SLC71A2: variants seen among roughly 807,000 people sequenced by gnomAD.
SLC71A2 encodes the protein hippocampus abundant transcript-like 1.
chr9:94,452,511 C>T, the SLC71A2 span, among the ~76,000 whole-genome samples: 8 of 151,850 alleles, frequency 5.3e-5, no homozygotes, highest in East Asian at 1.9e-4. Context: ...GCAGGAGAAT[C>T]GCTTGAACCT....
chr9:94,433,373 A>T, the SLC71A2 span: 6 of 122,088 alleles, frequency 4.9e-5, no homozygotes, highest in Middle Eastern at 3.6e-3. Context: ...CACATTGCGT[A>T]AAAAAAAGGT....
chr9:94,399,807 C>CTTT, the SLC71A2 span, among the ~76,000 whole-genome samples: 1 of 140,794 alleles, frequency 7.1e-6, no homozygotes, highest in Non-Finnish European at 1.5e-5. Context: ...GGGAAAAAGC[C>CTTT]TTTTTTTTTT....
At chr9:94,410,118 T>C in the SLC71A2 span, among the ~76,000 whole-genome samples, 1 of 151,778 alleles carries the variant, frequency 6.6e-6, no homozygotes, top group African/African-American at 2.4e-5. Flanking sequence ...TAAACGAGAC[T>C]GGAGTCTCAC....
the SLC71A2 span, among the ~76,000 whole-genome samples, chr9:94,408,290 C>T: frequency 1.3e-5 from 2 of 152,158 alleles, no homozygotes; most frequent in African/African-American, 2.4e-5. Flanking sequence ...AACTTACAGT[C>T]GGTTTATTGA....
At chr9:94,409,172 TCC>T in the SLC71A2 span, among the ~76,000 whole-genome samples, 4 of 107,914 alleles carry the variant, frequency 3.7e-5, no homozygotes, top group African/African-American at 1.5e-4. Flanking sequence ...AAGGTTTCAC[TCC>T]CTTCTCCCAG....
the SLC71A2 span, chr9:94,438,590 A>G: frequency 6.2e-7 from 1 of 1,600,088 alleles, no homozygotes; most frequent in Non-Finnish European, 8.5e-7. Flanking sequence ...AATTATACTT[A>G]TATTTGCAGA....
the SLC71A2 span, chr9:94,458,546 A>T: frequency 7.4e-7 from 1 of 1,343,664 alleles, no homozygotes; most frequent in Non-Finnish European, 1.1e-6. Flanking sequence ...TTTGGAGAGC[A>T]TTCTTTCTTG....
the SLC71A2 span, chr9:94,459,545 C>T: frequency 5.7e-4 from 454 of 795,280 alleles, no homozygotes; most frequent in Non-Finnish European, 7.6e-4. Flanking sequence ...TAAATACCAC[C>T]GCCATCATTC....
chr9:94,459,069 G>C, the SLC71A2 span: 1 of 1,290,140 alleles, frequency 7.8e-7, no homozygotes, highest in East Asian at 2.3e-5. Context: ...TTCACTTTTT[G>C]GTGGTGTGTT....
chr9:94,389,166 G>A, the SLC71A2 span, among the ~76,000 whole-genome samples: 1 of 151,634 alleles, frequency 6.6e-6, no homozygotes, highest in African/African-American at 2.4e-5. Context: ...ATAGAACTCA[G>A]GTTTCCTTGC....
chr9:94,431,875 T>G, the SLC71A2 span, among the ~76,000 whole-genome samples: 1 of 152,170 alleles, frequency 6.6e-6, no homozygotes, highest in African/African-American at 2.4e-5. Flanking sequence ...GGCCCGTGGC[T>G]CTACCTGGTT....
the SLC71A2 span, chr9:94,451,451 C>T: frequency 1.4e-6 from 2 of 1,472,608 alleles, no homozygotes; most frequent in Non-Finnish European, 1.8e-6. Context: ...ATTTCATTTC[C>T]ATAGGTCATA....
chr9:94,459,486 A>C, the SLC71A2 span: 1 of 1,521,926 alleles, frequency 6.6e-7, no homozygotes, highest in Non-Finnish European at 9.0e-7. Context: ...TGGTGACTTC[A>C]TGGTGCTGGA....
the SLC71A2 span, among the ~76,000 whole-genome samples, chr9:94,396,863 C>A: frequency 2.0e-5 from 3 of 152,112 alleles, no homozygotes; most frequent in Admixed American, 6.5e-5. Context: ...CTCTGCCTCC[C>A]GGGTTCAAGC....
chr9:94,402,899 C>T, the SLC71A2 span, among the ~76,000 whole-genome samples: 3 of 152,102 alleles, frequency 2.0e-5, no homozygotes, highest in Non-Finnish European at 4.4e-5. Flanking sequence ...ATATGCATAA[C>T]ATAGTTTTTA....
At chr9:94,418,287 G>T in the SLC71A2 span, among the ~76,000 whole-genome samples, 2,601 of 152,176 alleles carry the variant, frequency 0.017, 94 homozygotes, top group East Asian at 0.1. Flanking sequence ...TGTCTTCAAG[G>T]TTACTGTTTC....
At chr9:94,444,985 A>T in the SLC71A2 span, 1 of 1,614,042 alleles carries the variant, frequency 6.2e-7, no homozygotes, top group Non-Finnish European at 8.5e-7. Flanking sequence ...CTTTGCGGCT[A>T]GTCTTGTCAG....
the SLC71A2 span, chr9:94,456,171 A>C: frequency 1.9e-6 from 2 of 1,035,932 alleles, no homozygotes; most frequent in Non-Finnish European, 2.9e-6. Flanking sequence ...TTTGCCACTG[A>C]TTGCATTCCG....
the SLC71A2 span, among the ~76,000 whole-genome samples, chr9:94,386,685 GTTC>G: frequency 1.3e-5 from 2 of 151,788 alleles, no homozygotes; most frequent in African/African-American, 4.8e-5. Context: ...CTTTGTCTGG[GTTC>G]TTCCTACCAG....
Sources: gnomAD v4.1 joint callset for allele counts (sites outside exome capture counted in the v4.1 genomes callset) on GRCh38, gnomAD v4.1.1 for gene constraint, MANE v1.5 for transcripts, NCBI Gene and HGNC (gene_info 2026-07-23, HGNC 2026-07-21) for gene names.